INTS9: variants seen among roughly 807,000 people sequenced by gnomAD.
INTS9 encodes protein related to CPSF subunits of 74 kDa.
INTS9 carries 55 observed loss-of-function variants against 79.7 expected under a neutral mutation model. The ratio of observed to expected loss-of-function variants is 0.69; its 90% CI spans 0.56 to 0.86. The LOEUF is 0.86. Ranked by LOEUF, INTS9 falls within the 40% of genes least tolerant of loss-of-function variation. The pLI, the probability that INTS9 is intolerant of heterozygous loss-of-function variation, is 0.00. For missense variants in INTS9, 721 were observed against 831.5 expected (o/e 0.87, Z 1.64); for synonymous variants, 319 against 325.2 (o/e 0.98, Z 0.20).
At chr8:28,872,455 T>C (rs1279842128) in intron 1 of INTS9, among the ~76,000 whole-genome samples, 1 of 152,078 alleles carries the variant, frequency 6.6e-6, no homozygotes, top group Non-Finnish European at 1.5e-5. Context: ...TTAGAATCCA[T>C]GTCTTAGCTG....
chr8:28,853,148 C>G (rs753549240), intron 2 of INTS9, among the ~76,000 whole-genome samples: 1 of 152,134 alleles, frequency 6.6e-6, no homozygotes, highest in Non-Finnish European at 1.5e-5. Flanking sequence ...GGCATGGTGG[C>G]CCATGCCTAT....
intron 1 of INTS9, among the ~76,000 whole-genome samples, chr8:28,864,516 A>C (rs530494724): frequency 2.0e-5 from 3 of 152,270 alleles, no homozygotes; most frequent in Admixed American, 6.5e-5. Flanking sequence ...ATTGACTCTA[A>C]AATATGATTA....
rs780135796 is a variant in INTS9 at position 28,768,248 on chromosome 8, G to A, written c.1875C>T (p.Leu625=). The change falls in exon 17 of 17, where the codon CTC becomes CTT. Residue 625 remains leucine, a synonymous_variant. Transcript: ENST00000521022. ...GGGTCGAGTCTTCTTCAATCTGGAT[G>A]AGCGTCTCAGCCTCCTGGAGCAGGA... is the stretch of plus-strand genomic sequence containing the variant. ...HIVLLQEAET[L]IQIEEDSTHI... The A allele has an allele frequency of 6.2e-7, 1 of 1,614,008 alleles. No individual in the cohort carries two copies. The highest frequency in any genetic ancestry group is 8.5e-7 in the Non-Finnish European group (1 of 1,180,024).
At chr8:28,842,172 GA>G in intron 4 of INTS9, among the ~76,000 whole-genome samples, 1 of 152,108 alleles carries the variant, frequency 6.6e-6, no homozygotes, top group Non-Finnish European at 1.5e-5. Flanking sequence ...AATCATCATA[GA>G]GGTCTTTATT....
chr8:28,849,049 T>G (rs1208288391), intron 3 of INTS9, among the ~76,000 whole-genome samples: 2 of 152,188 alleles, frequency 1.3e-5, no homozygotes, highest in Non-Finnish European at 2.9e-5. Context: ...GAGGCTAGGG[T>G]GCAGTTACAG....
At chr8:28,827,671 C>T (rs998455342) in intron 6 of INTS9, among the ~76,000 whole-genome samples, 4 of 152,106 alleles carry the variant, frequency 2.6e-5, no homozygotes, top group African/African-American at 9.7e-5. Context: ...AACTAGGTTA[C>T]AACCCCTGAT....
rs772800096 is a variant in INTS9, at chr8:28,775,807, G to A, written c.1515C>T (p.Leu505=). ...CGTACCGACGTTTGAAGGGCAGGGCGAGAACCTCAGCCCGCCGATAGGACA... is the reference window on the plus strand; with the variant it reads ...CGTACCGACGTTTGAAGGGCAGGGCAAGAACCTCAGCCCGCCGATAGGACA... ...PAMSYRRAEV[L]ALPFKRRYEK... Residue 505 remains leucine, a synonymous_variant, in exon 14 of 17, where the codon CTC becomes CTT. Coordinates refer to ENST00000521022, the MANE Select transcript of INTS9 (RefSeq NM_018250.4). 1.7e-5 allele frequency: 28 copies of A among 1,613,648 alleles called. No homozygotes were observed. The highest frequency in any genetic ancestry group is 4.0e-5 in the African/African-American group (3 of 74,918).
At chr8:28,769,230 T>C (rs1341759605) in intron 16 of INTS9, among the ~76,000 whole-genome samples, 15 of 152,244 alleles carry the variant, frequency 9.9e-5, no homozygotes, top group Admixed American at 9.8e-4. Context: ...AGAAATCTCC[T>C]TCCTTGTAAT....
At chr8:28,812,262 G>A in intron 8 of INTS9, 65 bp downstream of exon 8, 1 of 1,493,732 alleles carries the variant, frequency 6.7e-7, no homozygotes. Flanking sequence ...TGGTTCCTTG[G>A]ATACATTCTG....
intron 1 of INTS9, among the ~76,000 whole-genome samples, chr8:28,883,722 C>T (rs1294173691): frequency 6.6e-6 from 1 of 152,130 alleles, no homozygotes; most frequent in African/African-American, 2.4e-5. Flanking sequence ...TCCATATAGG[C>T]TGGGGATAAA....
At chr8:28,846,373 C>T (rs548122295) in intron 4 of INTS9, among the ~76,000 whole-genome samples, 240 of 152,328 alleles carry the variant, frequency 1.6e-3, no homozygotes, top group Non-Finnish European at 1.4e-3. Context: ...AGTTTACTAG[C>T]AATTGTCAAT....
At chr8:28,815,734 T>C (rs1246942702) in intron 6 of INTS9, among the ~76,000 whole-genome samples, 5 of 152,172 alleles carry the variant, frequency 3.3e-5, no homozygotes, top group Admixed American at 2.0e-4. Context: ...CTAACAAATG[T>C]TGAAGACAGA....
chr8:28,798,927 T>G (rs1331899027), intron 8 of INTS9, among the ~76,000 whole-genome samples: 2 of 152,210 alleles, frequency 1.3e-5, no homozygotes, highest in Admixed American at 1.3e-4. Context: ...TTTGCACCAC[T>G]GCGCTTTAGC....
intron 5 of INTS9, among the ~76,000 whole-genome samples, chr8:28,836,349 C>A (rs1195147079): frequency 6.6e-6 from 1 of 152,080 alleles, no homozygotes. Flanking sequence ...CAGAGAACTG[C>A]GGGAATTCTT....
At chr8:28,809,855 G>C (rs1805009595) in intron 8 of INTS9, among the ~76,000 whole-genome samples, 1 of 152,252 alleles carries the variant, frequency 6.6e-6, no homozygotes, top group Non-Finnish European at 1.5e-5. Context: ...TAGACCTTGA[G>C]ATGAAACTTG....
chr8:28,801,498 C>CA (rs1563260353), intron 8 of INTS9, among the ~76,000 whole-genome samples: 1 of 67,660 alleles, frequency 1.5e-5, no homozygotes, highest in African/African-American at 5.2e-5. Context: ...TCAAAACAAA[C>CA]AAACAAACAA....
chr8:28,876,726 C>G (rs1453677586), intron 1 of INTS9, among the ~76,000 whole-genome samples: 1 of 151,800 alleles, frequency 6.6e-6, no homozygotes, highest in Admixed American at 6.6e-5. Flanking sequence ...CCTGGAAAAC[C>G]CATGAGAATC....
chr8:28,889,956 G>A lies in INTS9; in HGVS notation c.-74C>T, dbSNP rs377466769. The A allele has an allele frequency of 2.4e-4, 297 of 1,239,984 alleles. 2 individuals are homozygous for A. The African/African-American group carries it at 4.0e-3, about 17-fold the overall frequency. The allele number at this position is 1,239,984 out of a possible 1,614,324, so 76.8% of individuals were successfully genotyped here. ...GGAAGCGTCTTCCGGTGCAATCTCC[G>A]CCACCTGCCAGCCGAGAGCATCGCG... On this transcript the variant is annotated 5_prime_UTR_variant, in exon 1 of 17. Coordinates refer to ENST00000521022, the MANE Select transcript of INTS9 (RefSeq NM_018250.4).
Position 28,784,750 on chromosome 8 carries a change from G to A in INTS9, c.1098+3079C>T, listed in dbSNP as rs191304410. On this transcript the variant is annotated intron_variant, in intron 11 of 16. Transcript: ENST00000521022. Reference sequence around the variant, plus strand: ...AAGAAATGAGTGTGGGGAGATAATCGCAGTTAACATGGATGTATTATAACA... The same window carrying A: ...AAGAAATGAGTGTGGGGAGATAATCACAGTTAACATGGATGTATTATAACA... Among the ~76,000 whole-genome samples, 76 of 152,254 alleles carry A rather than the reference G, an allele frequency of 5.0e-4. 1 individual carries two copies. Among genetic ancestry groups the A allele is most frequent in the Admixed American group, 4.3e-3 (66 of 15,296 alleles).
Sources: allele counts gnomAD v4.1 joint callset (sites outside exome capture counted in the v4.1 genomes callset), GRCh38; gene constraint gnomAD v4.1.1; transcripts MANE v1.5; gene names NCBI Gene and HGNC (gene_info 2026-07-23, HGNC 2026-07-21).